FARS2: variants seen among roughly 807,000 people sequenced by gnomAD.
FARS2 encodes the protein phenylalanine--tRNA ligase, mitochondrial.
A neutral mutation model predicts 46.4 loss-of-function variants in FARS2; 40 were observed. That is an observed-to-expected ratio of 0.86 (90% CI 0.67 to 1.12). FARS2 has a LOEUF of 1.12. Among genes scored for constraint, FARS2 ranks in the 50% most tolerant of loss-of-function variants. The probability of loss-of-function intolerance (pLI) is 0.00; values close to 1 mark genes in which losing one functional copy is unlikely to be tolerated. For missense variants in FARS2, 513 were observed against 567.9 expected (o/e 0.90, Z 0.98); for synonymous variants, 234 against 214.9 (o/e 1.09, Z -0.78).
At chr6:5,517,366 CT>C (rs1233302461) in intron 4 of FARS2, among the ~76,000 whole-genome samples, 1 of 152,100 alleles carries the variant, frequency 6.6e-6, no homozygotes, top group Non-Finnish European at 1.5e-5. Flanking sequence ...AATTCCAGCA[CT>C]TTGGGAGGCC....
At chr6:5,253,171 G>A in the FARS2 span, among the ~76,000 whole-genome samples, 1 of 152,158 alleles carries the variant, frequency 6.6e-6, no homozygotes, top group Admixed American at 6.5e-5. Flanking sequence ...TGAAGAATTA[G>A]GGAGTTCTGA....
chr6:5,608,385 T>C (rs904775176), intron 5 of FARS2, among the ~76,000 whole-genome samples: 14 of 152,210 alleles, frequency 9.2e-5, no homozygotes, highest in African/African-American at 2.9e-4. Context: ...TGATGGTGGG[T>C]ACCTAGTCAT....
At chr6:5,387,326 C>G (rs985348357) in intron 2 of FARS2, among the ~76,000 whole-genome samples, 55 of 152,190 alleles carry the variant, frequency 3.6e-4, no homozygotes, top group African/African-American at 1.3e-3. Context: ...GGGGAAGGCA[C>G]CCTTTTCCTG....
chr6:5,297,816 A>C (rs1048015775), intron 1 of FARS2, among the ~76,000 whole-genome samples: 6 of 152,170 alleles, frequency 3.9e-5, no homozygotes, highest in African/African-American at 1.4e-4. Flanking sequence ...AGTATCTTTG[A>C]TTTCCCTTTT....
At chr6:5,679,409 G>A (rs918048110) in intron 6 of FARS2, among the ~76,000 whole-genome samples, 1 of 152,040 alleles carries the variant, frequency 6.6e-6, no homozygotes, top group African/African-American at 2.4e-5. Context: ...CTACTGCACT[G>A]GCCTGCCCTG....
At chr6:5,682,079 C>G (rs920062401) in intron 6 of FARS2, among the ~76,000 whole-genome samples, 1 of 152,202 alleles carries the variant, frequency 6.6e-6, no homozygotes, top group Non-Finnish European at 1.5e-5. Context: ...CATTTCTACT[C>G]TCAGTGAACT....
chr6:5,537,319 A>G (rs937357986), intron 4 of FARS2, among the ~76,000 whole-genome samples: 7 of 152,222 alleles, frequency 4.6e-5, no homozygotes, highest in African/African-American at 1.7e-4. Flanking sequence ...CTTTGAAGGG[A>G]TGGCATTGAG....
At chr6:5,419,812 C>G (rs1762444089) in intron 3 of FARS2, among the ~76,000 whole-genome samples, 1 of 152,088 alleles carries the variant, frequency 6.6e-6, no homozygotes. Context: ...CCCTCCTGCC[C>G]CAAGCCCACA....
intron 6 of FARS2, among the ~76,000 whole-genome samples, chr6:5,690,990 C>T (rs879746109): frequency 5.3e-5 from 8 of 152,200 alleles, no homozygotes; most frequent in African/African-American, 1.4e-4. Context: ...TTGATCGAAT[C>T]GGCTACCGAG....
chr6:5,427,625 A>G (rs112001752), intron 3 of FARS2, among the ~76,000 whole-genome samples: 54 of 152,284 alleles, frequency 3.5e-4, no homozygotes, highest in African/African-American at 1.2e-3. Context: ...GGTAGTATCA[A>G]TAGATTCTGC....
chr6:5,290,426 TG>T (rs1767423868), intron 1 of FARS2, among the ~76,000 whole-genome samples: 1 of 152,218 alleles, frequency 6.6e-6, no homozygotes, highest in Admixed American at 6.5e-5. Context: ...CACAGCAATT[TG>T]GGTATCTGTT....
chr6:5,315,352 C>T (rs1023066049), intron 1 of FARS2, among the ~76,000 whole-genome samples: 3 of 152,184 alleles, frequency 2.0e-5, no homozygotes, highest in Admixed American at 6.5e-5. Context: ...AAAGTTTTCC[C>T]ATCTCCTTCC....
intron 6 of FARS2, among the ~76,000 whole-genome samples, chr6:5,671,363 G>A (rs962238595): frequency 6.6e-6 from 1 of 152,158 alleles, no homozygotes; most frequent in Non-Finnish European, 1.5e-5. Flanking sequence ...GAAAGTGATT[G>A]GCTAATGAGC....
intron 3 of FARS2, among the ~76,000 whole-genome samples, chr6:5,406,131 A>G (rs1053550613): frequency 6.6e-6 from 1 of 152,158 alleles, no homozygotes; most frequent in Non-Finnish European, 1.5e-5. Context: ...AAATACTTAC[A>G]TTTCTTATCT....
At chr6:5,345,052 A>G (rs1168490491) in intron 1 of FARS2, among the ~76,000 whole-genome samples, 1 of 151,980 alleles carries the variant, frequency 6.6e-6, no homozygotes, top group Non-Finnish European at 1.5e-5. Context: ...TTGGCCTCCC[A>G]AAGTGCTGGG....
In FARS2 at chr6:5,771,417, G is replaced by A. The variant is rs945267016; in HGVS notation, c.1344G>A (p.Glu448=). 1 of 1,613,934 alleles carries A rather than the reference G, an allele frequency of 6.2e-7. No homozygotes were observed. The part of the protein sequence containing the change: ...QEAAVQLLGV[E]GRF ...CTGCAGTCCAGCTGTTGGGTGTGGA[G>A]GGCAGGTTCTGATGTCACCACTTCA... The change falls in exon 7 of 7, where the codon GAG becomes GAA. Residue 448 remains glutamate (E), a synonymous_variant. Coordinates refer to ENST00000274680, the MANE Select transcript of FARS2 (RefSeq NM_006567.5).
chr6:5,373,410 C>T (rs1759179160), intron 2 of FARS2, among the ~76,000 whole-genome samples: 1 of 152,092 alleles, frequency 6.6e-6, no homozygotes, highest in South Asian at 2.1e-4. Flanking sequence ...TAGAGTCTCC[C>T]CCAAAATGTT....
chr6:5,743,613 G>T (rs971558757), intron 6 of FARS2, among the ~76,000 whole-genome samples: 1 of 152,176 alleles, frequency 6.6e-6, no homozygotes, highest in Non-Finnish European at 1.5e-5. Flanking sequence ...ATGTTCCTTC[G>T]AATGCTGTTG....
intron 5 of FARS2, among the ~76,000 whole-genome samples, chr6:5,575,089 C>T (rs549976085): frequency 3.3e-5 from 5 of 152,138 alleles, no homozygotes; most frequent in Non-Finnish European, 7.3e-5. Flanking sequence ...TGAGTATTTT[C>T]TCCGTAAGAC....
Sources: allele counts gnomAD v4.1 joint callset (sites outside exome capture counted in the v4.1 genomes callset), GRCh38; gene constraint gnomAD v4.1.1; transcripts MANE v1.5; gene names NCBI Gene and HGNC (gene_info 2026-07-23, HGNC 2026-07-21).